Variants in DTHD1 observed in about 807,000 individuals in gnomAD.
The protein encoded by DTHD1 is death domain containing 1, also known as death domain-containing protein 1.
In DTHD1, 59 loss-of-function variants were observed where a neutral mutation model predicts 74.8. The observed-to-expected ratio is 0.79, with a 90% CI of 0.64 to 0.98. The LOEUF (loss-of-function observed/expected upper bound fraction) is 0.98. Ranked by LOEUF, DTHD1 falls within the 50% of genes least tolerant of loss-of-function variation. DTHD1 has a pLI of 0.00. For synonymous variants in DTHD1, 365 were observed against 371.1 expected, an observed-to-expected ratio of 0.98 and a Z score of 0.19; for missense variants, 1,051 against 1,065.4, an observed-to-expected ratio of 0.99 and a Z score of 0.19.
intron 2 of DTHD1, among the ~76,000 whole-genome samples, chr4:36,286,175 C>T (rs559822793): frequency 3.9e-5 from 6 of 152,264 alleles, no homozygotes; most frequent in African/African-American, 7.2e-5. Flanking sequence ...TAAGAATTAC[C>T]GCTCCAACAA....
rs547708224 is a variant in DTHD1 at position 36,302,758 on chromosome 4, T to A, written c.1644-3433T>A. Reference sequence around the variant, plus strand: ...TTTCCATTTTAAATGAATTTTATGATCAACATGAATAACTTAAAGTGGGAA... The same window carrying A: ...TTTCCATTTTAAATGAATTTTATGAACAACATGAATAACTTAAAGTGGGAA... On this transcript the variant is annotated intron_variant, in intron 5 of 9. Transcript: ENST00000639862. Among the ~76,000 whole-genome samples the A allele has an allele frequency of 8.5e-5, 13 of 152,306 alleles. No homozygotes were observed. In the South Asian group the frequency reaches 1.9e-3, roughly 22 times the overall value.
intron 8 of DTHD1, among the ~76,000 whole-genome samples, chr4:36,328,940 T>C (rs1360406733): frequency 6.6e-6 from 1 of 152,224 alleles, no homozygotes; most frequent in East Asian, 1.9e-4. Flanking sequence ...GGCCCTGTCA[T>C]TTGTAGACAT....
chr4:36,285,892 T>C (rs2109441613), intron 2 of DTHD1, among the ~76,000 whole-genome samples: 1 of 152,324 alleles, frequency 6.6e-6, no homozygotes, highest in Middle Eastern at 3.4e-3. Flanking sequence ...TCATTTATTT[T>C]AGCTCCAAAA....
chr4:36,333,745 TG>T (rs1188541562), intron 8 of DTHD1: 1 of 152,420 alleles, frequency 6.6e-6, no homozygotes, highest in Non-Finnish European at 1.5e-5. Context: ...TGGTGATAGA[TG>T]CATGGGGAGA....
intron 3 of DTHD1, among the ~76,000 whole-genome samples, chr4:36,292,165 T>C (rs1005360865): frequency 9.8e-5 from 15 of 152,332 alleles, no homozygotes; most frequent in Admixed American, 3.3e-4. Context: ...ATAGGTATGA[T>C]AGTCTAGTCA....
chr4:36,314,551 C>G (rs984227502), intron 7 of DTHD1, among the ~76,000 whole-genome samples: 1 of 150,964 alleles, frequency 6.6e-6, no homozygotes, highest in Non-Finnish European at 1.5e-5. Context: ...GCGTGGTGGC[C>G]CACATTTATA....
chr4:36,315,162 G>C (rs1259179416), intron 7 of DTHD1, among the ~76,000 whole-genome samples: 1 of 152,114 alleles, frequency 6.6e-6, no homozygotes, highest in Non-Finnish European at 1.5e-5. Flanking sequence ...TAGGAAACAT[G>C]GTAGTGTTTA....
At chr4:36,309,225 C>T (rs1248515823) in intron 7 of DTHD1, among the ~76,000 whole-genome samples, 1 of 152,166 alleles carries the variant, frequency 6.6e-6, no homozygotes, top group African/African-American at 2.4e-5. Flanking sequence ...CACTTGAGGT[C>T]AGGTGTTTGA....
chr4:36,281,620 CTA>C lies in DTHD1; in HGVS notation c.-137_-136del. 1 of 1,213,208 alleles carries C rather than the reference CTA, an allele frequency of 8.2e-7. No individual in the cohort carries two copies. The highest frequency in any genetic ancestry group is 1.0e-6 in the Non-Finnish European group (1 of 971,728). 75.2% of individuals were successfully genotyped at this position (1,213,208 alleles called of 1,614,324 possible). A position where few individuals can be genotyped will look rare whatever the true frequency, so the allele number is the denominator to read the frequency against. ...TAGTCAACACCAAACTGAATAACCA[CTA>C]TGTTGTGAGAAAGTGCTGGGCTAGC... On this transcript the variant is annotated 5_prime_UTR_variant, in exon 1 of 10. The change abolishes an upstream ATG in the 5' untranslated region. Transcript: ENST00000639862.
At chr4:36,336,241 T>C (rs939313824) in intron 8 of DTHD1, among the ~76,000 whole-genome samples, 6 of 152,170 alleles carry the variant, frequency 3.9e-5, no homozygotes, top group African/African-American at 1.4e-4. Flanking sequence ...ATATAAGATA[T>C]CATAGGTGGC....
At chr4:36,308,167 A>T in intron 6 of DTHD1, 37 bp from the exon 7 acceptor site, 1 of 1,535,490 alleles carries the variant, frequency 6.5e-7, no homozygotes, top group Non-Finnish European at 8.8e-7. Context: ...TTGACACTGC[A>T]TTTTTCCCTG....
chr4:36,304,046 G>T (rs1578453687), intron 5 of DTHD1, among the ~76,000 whole-genome samples: 1 of 152,182 alleles, frequency 6.6e-6, no homozygotes, highest in Non-Finnish European at 1.5e-5. Context: ...GGGTGAAACT[G>T]GATATTCTGG....
intron 5 of DTHD1, among the ~76,000 whole-genome samples, chr4:36,298,996 C>T (rs1454559220): frequency 2.0e-5 from 3 of 152,114 alleles, no homozygotes; most frequent in African/African-American, 7.2e-5. Flanking sequence ...AAGCTAATAT[C>T]AAACAATAAA....
In DTHD1 at chr4:36,290,380, G is replaced by C. The variant is rs923621523; in HGVS notation, c.895G>C (p.Asp299His). The change falls in exon 3 of 10, where the codon GAT becomes CAT. Residue 299 changes from aspartate (D) to histidine (H), a missense_variant. Transcript: ENST00000639862. The stretch of plus-strand genomic sequence containing the variant: ...TTCTTTTTCCCCCTCCAGGTATCTT[G>C]ATGTGCTGAGTGATGTTACTGGCCC... ...KNNIMEKEYL[D>H]VLSDVTGPQV... The C allele has an allele frequency of 3.2e-6, 5 of 1,547,098 alleles. No homozygotes were observed. Among genetic ancestry groups the C allele is most frequent in the South Asian group, 1.2e-5 (1 of 83,904 alleles).
chr4:36,335,509 G>A (rs1758959060), intron 8 of DTHD1, among the ~76,000 whole-genome samples: 1 of 152,122 alleles, frequency 6.6e-6, no homozygotes, highest in Non-Finnish European at 1.5e-5. Flanking sequence ...TTATAAGCAT[G>A]AGCTATTGCA....
At chr4:36,326,405 T>G (rs1346892671) in intron 8 of DTHD1, among the ~76,000 whole-genome samples, 1 of 148,908 alleles carries the variant, frequency 6.7e-6, no homozygotes, top group Non-Finnish European at 1.5e-5. Flanking sequence ...ACACATTAAC[T>G]TATTTATTGA....
Position 36,298,095 on chromosome 4 carries a change from C to T in DTHD1, c.1643+3056C>T, listed in dbSNP as rs115031906. On this transcript the variant is annotated intron_variant, in intron 5 of 9. Transcript: ENST00000639862. The stretch of plus-strand genomic sequence containing the variant: ...TGTCTTCTAGAAAATCTTTCTTCTG[C>T]CACATTTAACTGATATACTCTTGCC... 2.1e-3 allele frequency among the ~76,000 whole-genome samples: 322 copies of T among 152,054 alleles called. 1 individual carries two copies. Among genetic ancestry groups the T allele is most frequent in the African/African-American group, 7.4e-3 (306 of 41,460 alleles).
intron 8 of DTHD1, among the ~76,000 whole-genome samples, chr4:36,336,506 G>T (rs1218833566): frequency 2.6e-5 from 4 of 152,234 alleles, no homozygotes; most frequent in Non-Finnish European, 5.9e-5. Flanking sequence ...GCACGCAGGA[G>T]TCATGCAGGA....
chr4:36,292,758 G>T (rs1756159675), intron 3 of DTHD1, among the ~76,000 whole-genome samples: 2 of 152,164 alleles, frequency 1.3e-5, no homozygotes, highest in African/African-American at 2.4e-5. Context: ...ACGCATGCTG[G>T]GGCAGAGCCC....
Sources: gnomAD v4.1 joint callset for allele counts (sites outside exome capture counted in the v4.1 genomes callset) on GRCh38, gnomAD v4.1.1 for gene constraint, MANE v1.5 for transcripts, NCBI Gene and HGNC (gene_info 2026-07-23, HGNC 2026-07-21) for gene names.